Variants in DCTN1 observed in about 807,000 individuals in gnomAD.
DCTN1 encodes the protein 150 kDa dynein-associated polypeptide.
A neutral mutation model predicts 161.2 loss-of-function variants in DCTN1; 61 were observed. The observed-to-expected ratio is 0.38, with a 90% CI of 0.31 to 0.47. DCTN1 has a LOEUF of 0.47. Ranked by LOEUF, DCTN1 falls within the 20% of genes least tolerant of loss-of-function variation. DCTN1 has a pLI of 0.99. For synonymous variants in DCTN1, 653 were observed against 632.4 expected (o/e 1.03, Z -0.49); for missense variants, 1,404 against 1,623.7 (o/e 0.86, Z 2.33).
At chr2:74,387,520 C>A (rs919073426) in intron 1 of DCTN1, among the ~76,000 whole-genome samples, 2 of 152,128 alleles carry the variant, frequency 1.3e-5, no homozygotes, top group African/African-American at 4.8e-5. Flanking sequence ...AAAAAAAGTT[C>A]TTCTTCTATA....
At chr2:74,364,771 A>C in intron 26 of DCTN1, 1 of 421,012 alleles carries the variant, frequency 2.4e-6, no homozygotes, top group Non-Finnish European at 4.5e-6. Flanking sequence ...CCTCTGGGAT[A>C]TAGGGCTGGG....
At position 74,370,932 on chromosome 2, in the gene DCTN1, C is replaced by T; in HGVS notation, c.843+47G>A. On this transcript the variant is annotated intron_variant, in intron 9 of 31. Coordinates refer to ENST00000628224, the MANE Select transcript of DCTN1 (RefSeq NM_004082.5). The surrounding 1 kb of genome is among the most constrained non-coding windows in gnomAD (Gnocchi z 4.4). ...TCCAGTCTAGTTTCCAGCATGCTTCCTTAGGTCTCAGGCTGCCCCAGCCAC... is the reference window on the plus strand; with the variant it reads ...TCCAGTCTAGTTTCCAGCATGCTTCTTTAGGTCTCAGGCTGCCCCAGCCAC... 1.2e-6 allele frequency: 2 copies of T among 1,613,306 alleles called. No homozygotes were observed. Among genetic ancestry groups the T allele is most frequent in the Non-Finnish European group, 1.7e-6 (2 of 1,180,026 alleles).
In DCTN1 at chr2:74,376,671, G is replaced by T. The variant is rs372124866; in HGVS notation, c.414+71C>A. 4.4e-5 allele frequency: 62 copies of T among 1,415,922 alleles called. No homozygotes were observed. In the African/African-American group the frequency reaches 7.9e-4, roughly 18 times the overall value. The allele number at this position is 1,415,922 out of a possible 1,614,324, so 87.7% of individuals were successfully genotyped here. A position where few individuals can be genotyped will look rare whatever the true frequency, so the allele number is the denominator to read the frequency against. ...CACACACATGCATGCAGCAGCCCAG[G>T]GACATGCAGGACAGCTGGGGAAGGG... On this transcript the variant is annotated intron_variant, in intron 5 of 31. Coordinates refer to ENST00000628224, the MANE Select transcript of DCTN1 (RefSeq NM_004082.5).
intron 1 of DCTN1, among the ~76,000 whole-genome samples, chr2:74,378,515 G>C (rs1338832182): frequency 6.6e-6 from 1 of 152,184 alleles, no homozygotes; most frequent in African/African-American, 2.4e-5. Context: ...ACCAGTCTGT[G>C]AATGTCACCA....
At position 74,369,065 on chromosome 2, in the gene DCTN1, C is replaced by G; in HGVS notation, c.1701+33G>C. On this transcript the variant is annotated intron_variant, in intron 15 of 31. Coordinates refer to ENST00000628224, the MANE Select transcript of DCTN1 (RefSeq NM_004082.5). The surrounding 1 kb of genome is among the most constrained non-coding windows in gnomAD (Gnocchi z 4.9). ...AGACCCCATACCAGTTCATCCCAGG[C>G]AGGGCTCCCTCAGACCCACACACTT... The G allele has an allele frequency of 6.2e-7, 1 of 1,607,352 alleles. No individual in the cohort carries two copies. Among genetic ancestry groups the G allele is most frequent in the South Asian group, 1.1e-5 (1 of 90,938 alleles).
intron 2 of DCTN1, 111 bp downstream of exon 2, chr2:74,377,889 C>G (rs535238083): frequency 9.1e-6 from 14 of 1,533,364 alleles, no homozygotes; most frequent in African/African-American, 8.2e-5. Flanking sequence ...CTTCCACTCT[C>G]CCAACCAGAG....
At chr2:74,388,867 C>G (rs114772101) in intron 1 of DCTN1, among the ~76,000 whole-genome samples, 1 of 152,158 alleles carries the variant, frequency 6.6e-6, no homozygotes, top group African/African-American at 2.4e-5. Flanking sequence ...TGAAGACCAC[C>G]ACCACTGGGG....
chr2:74,379,095 A>G (rs892348354), intron 1 of DCTN1: 1 of 152,428 alleles, frequency 6.6e-6, no homozygotes, highest in Non-Finnish European at 1.5e-5. Flanking sequence ...AGGCAAAACA[A>G]CAGACTAAGA....
intron 4 of DCTN1, among the ~76,000 whole-genome samples, 164 bp from the exon 5 acceptor site, chr2:74,376,926 G>C (rs1688663751): frequency 6.6e-6 from 1 of 152,158 alleles, no homozygotes; most frequent in South Asian, 2.1e-4. Context: ...CCTTGGCCCA[G>C]AGAAGCTGCA....
At position 74,369,936 on chromosome 2, in the gene DCTN1, C is replaced by T; in HGVS notation, c.1392+29G>A. 2 of 1,607,762 alleles carry T rather than the reference C, an allele frequency of 1.2e-6. No individual in the cohort carries two copies. The highest frequency in any genetic ancestry group is 1.1e-5 in the South Asian group (1 of 90,956). On this transcript the variant is annotated intron_variant, in intron 13 of 31. Transcript: ENST00000628224. This position sits in a 1 kb window ranked among gnomAD's most constrained non-coding sequence, Gnocchi z 4.9. ...AATCTTTTTCTCAGCAGGTCCAAGTCAGATGTCAGGGGTCTGCTCTTCTCT... is the reference window on the plus strand; with the variant it reads ...AATCTTTTTCTCAGCAGGTCCAAGTTAGATGTCAGGGGTCTGCTCTTCTCT...
chr2:74,366,634 C>T lies in DCTN1; in HGVS notation c.2467-14G>A. The T allele has an allele frequency of 6.2e-7, 1 of 1,612,582 alleles. No individual in the cohort carries two copies. Among genetic ancestry groups the T allele is most frequent in the Non-Finnish European group, 8.5e-7 (1 of 1,180,026 alleles). On this transcript the variant is annotated splice_polypyrimidine_tract_variant and intron_variant, in intron 21 of 31. Coordinates refer to ENST00000628224, the MANE Select transcript of DCTN1 (RefSeq NM_004082.5). ...CGTGTCAGATACCTGTGTGCCAGGC[C>T]AGAGTCAGGAGTCAACCCTGGGTTC... is the stretch of plus-strand genomic sequence containing the variant.
rs1251814285 is a variant in DCTN1 at position 74,362,691 on chromosome 2, C to T, written c.3568G>A (p.Ala1190Thr). Residue 1190 changes from alanine to threonine, a missense_variant, in exon 30 of 32, where the codon GCT becomes ACT. Ala to Thr is a moderately conservative substitution (Grantham distance 58, BLOSUM62 0). Coordinates refer to ENST00000628224, the MANE Select transcript of DCTN1 (RefSeq NM_004082.5). The part of the protein sequence containing the change: ...SPSAQLMEQV[A>T]QLKSLSDTVE... ...GTGTCACTCAGGGACTTAAGCTGAG[C>T]CACTTGCTCCATAAGTTGGGCCGAC... 2 of 1,614,000 alleles carry T rather than the reference C, an allele frequency of 1.2e-6. No homozygotes were observed. The highest frequency in any genetic ancestry group is 1.7e-6 in the Non-Finnish European group (2 of 1,179,986).
chr2:74,389,492 G>C (rs945938017), intron 1 of DCTN1, among the ~76,000 whole-genome samples: 2 of 152,152 alleles, frequency 1.3e-5, no homozygotes, highest in Non-Finnish European at 2.9e-5. Flanking sequence ...AGCTGGCAGA[G>C]TAAAACCTAG....
At chr2:74,364,250 T>C (rs958199916) in intron 26 of DCTN1, 3 of 159,280 alleles carry the variant, frequency 1.9e-5, no homozygotes, top group Non-Finnish European at 2.8e-5. Context: ...GTCAAGAAGG[T>C]ACTTGGTCAC....
In DCTN1 at chr2:74,361,419, G is replaced by C; in HGVS notation, c.*80C>G. 1 of 1,600,750 alleles carries C rather than the reference G, an allele frequency of 6.2e-7. No individual in the cohort carries two copies. The highest frequency in any genetic ancestry group is 2.2e-5 in the East Asian group (1 of 44,748). On this transcript the variant is annotated 3_prime_UTR_variant, in exon 32 of 32. Coordinates refer to ENST00000628224, the MANE Select transcript of DCTN1 (RefSeq NM_004082.5). ...GCTTAACCCACGTTTCTACCTGGGG[G>C]CTGGCTGAGGTGGCTGTGCATCGGG...
chr2:74,374,329 G>C lies in DCTN1; in HGVS notation c.426C>G (p.Ala142=). ...RGLKPKKAPT[A]RKTTTRRPKP... Reference sequence around the variant, plus strand: ...CGAGAGCAAGCAAGAGTACCTTTCGGGCTGTCGGTGCCTGTCTCATCATTG... The same window carrying C: ...CGAGAGCAAGCAAGAGTACCTTTCGCGCTGTCGGTGCCTGTCTCATCATTG... Residue 142 remains alanine (A), a synonymous_variant, in exon 6 of 32, where the codon GCC becomes GCG. Transcript: ENST00000628224. The C allele has an allele frequency of 6.2e-7, 1 of 1,613,688 alleles. No individual in the cohort carries two copies. Among genetic ancestry groups the C allele is most frequent in the Non-Finnish European group, 8.5e-7 (1 of 1,179,782 alleles).
intron 5 of DCTN1, chr2:74,374,724 G>A (rs1675121252): frequency 2.6e-6 from 3 of 1,173,520 alleles, no homozygotes; most frequent in African/African-American, 1.6e-5. Context: ...GCTCCATGGG[G>A]GTGGAGCCAC....
In DCTN1 at chr2:74,380,137, G is replaced by A; in HGVS notation, c.-100C>T. ...GGTCAGGGCGCTGGGCCCTCATAGA[G>A]GGACACAGGAGTCGTCAGGCACAGC... On this transcript the variant is annotated 5_prime_UTR_variant, in exon 1 of 32. Transcript: ENST00000628224. 7.4e-6 allele frequency: 10 copies of A among 1,345,634 alleles called. No individual in the cohort carries two copies. Among genetic ancestry groups the A allele is most frequent in the Middle Eastern group, 1.8e-4 (1 of 5,506 alleles). The allele number at this position is 1,345,634 out of a possible 1,614,324, so 83.4% of individuals were successfully genotyped here.
At chr2:74,379,598 C>A (rs12327911) in intron 1 of DCTN1, among the ~76,000 whole-genome samples, 5,785 of 152,256 alleles carry the variant, frequency 0.038, 380 homozygotes, top group African/African-American at 0.13. Context: ...CCTCTCAGAA[C>A]CAGGGGGCCA....
Sources: allele counts gnomAD v4.1 joint callset (sites outside exome capture counted in the v4.1 genomes callset), GRCh38; gene constraint gnomAD v4.1.1; non-coding constraint Gnocchi (gnomAD v3.1); transcripts MANE v1.5; gene names NCBI Gene and HGNC (gene_info 2026-07-23, HGNC 2026-07-21).